Variants in CDK14 observed in about 807,000 individuals in gnomAD.
CDK14 encodes cyclin dependent kinase 14, also known as cyclin-dependent kinase 14.
A neutral mutation model predicts 60.7 loss-of-function variants in CDK14; 34 were observed. The observed-to-expected ratio is 0.56, with a 90% CI of 0.43 to 0.75. The LOEUF is 0.75. Among genes scored for constraint, CDK14 ranks in the 30% least tolerant of loss-of-function variants. CDK14 has a pLI of 0.00. For synonymous variants in CDK14, 197 were observed against 203.7 expected, an observed-to-expected ratio of 0.97 and a Z score of 0.28; for missense variants, 482 against 564.1, an observed-to-expected ratio of 0.85 and a Z score of 1.47.
intron 14 of CDK14, among the ~76,000 whole-genome samples, chr7:91,179,431 C>G (rs978983483): frequency 6.6e-5 from 10 of 151,024 alleles, no homozygotes; most frequent in Admixed American, 3.3e-4. Context: ...GTGCAGCGCA[C>G]CAGCATGGCA....
At chr7:91,088,922 A>G (rs1000258754) in intron 12 of CDK14, among the ~76,000 whole-genome samples, 4 of 151,776 alleles carry the variant, frequency 2.6e-5, no homozygotes, top group African/African-American at 9.7e-5. Context: ...ACCAATAAAC[A>G]TACCAGCTGT....
At chr7:91,065,706 G>A (rs572784634) in intron 11 of CDK14, among the ~76,000 whole-genome samples, 9 of 152,184 alleles carry the variant, frequency 5.9e-5, no homozygotes, top group Admixed American at 1.3e-4. Context: ...AGGCCTCTCA[G>A]TATTGGTTCG....
intron 6 of CDK14, among the ~76,000 whole-genome samples, chr7:90,867,968 A>AT (rs1218513594): frequency 1.7e-4 from 26 of 149,860 alleles, no homozygotes; most frequent in Admixed American, 1.7e-3. Flanking sequence ...TCTACATAAA[A>AT]TTAAAAAAAA....
At chr7:90,938,559 T>G (rs1793822087) in intron 8 of CDK14, among the ~76,000 whole-genome samples, 1 of 152,236 alleles carries the variant, frequency 6.6e-6, no homozygotes, top group Admixed American at 6.5e-5. Flanking sequence ...TCATAGGAGC[T>G]ACATGAAGTC....
At chr7:91,183,028 CT>C (rs1394885654) in intron 14 of CDK14, among the ~76,000 whole-genome samples, 2 of 152,152 alleles carry the variant, frequency 1.3e-5, no homozygotes, top group Non-Finnish European at 2.9e-5. Flanking sequence ...TTGCAAACTT[CT>C]AATGTTTAGT....
chr7:90,727,839 C>T (rs902050408), intron 3 of CDK14, among the ~76,000 whole-genome samples: 3 of 151,996 alleles, frequency 2.0e-5, no homozygotes, highest in East Asian at 1.9e-4. Context: ...AGTCATAAGG[C>T]GTCCTTTTCT....
chr7:91,152,302 C>G (rs1800849638), intron 14 of CDK14, among the ~76,000 whole-genome samples: 1 of 152,156 alleles, frequency 6.6e-6, no homozygotes, highest in African/African-American at 2.4e-5. Context: ...TATTTCATTA[C>G]TAAATCATAT....
intron 14 of CDK14, among the ~76,000 whole-genome samples, chr7:91,136,590 A>G (rs1800286215): frequency 6.6e-6 from 1 of 152,184 alleles, no homozygotes; most frequent in African/African-American, 2.4e-5. Flanking sequence ...AAACATACAG[A>G]CTAAACATGC....
At position 91,072,925 on chromosome 7, in the gene CDK14, G is replaced by A. The variant is rs117062639; in HGVS notation, c.1106-6507G>A. ...AGCAGAAGAAAGAATATCAGAGTTG[G>A]AAGGCCATCTTGCTGAAATAAGGCA... On this transcript the variant is annotated intron_variant, in intron 11 of 14. Coordinates refer to ENST00000380050, the MANE Select transcript of CDK14 (RefSeq NM_001287135.2). Among the ~76,000 whole-genome samples, 837 of 151,960 alleles carry A rather than the reference G, an allele frequency of 5.5e-3. 34 individuals carry two copies. The East Asian group carries it at 0.11, about 21-fold the overall frequency.
chr7:90,933,836 G>T (rs1793671456), intron 8 of CDK14, among the ~76,000 whole-genome samples: 1 of 152,234 alleles, frequency 6.6e-6, no homozygotes, highest in African/African-American at 2.4e-5. Flanking sequence ...GTAGCCATGA[G>T]CAGAAATGTT....
At chr7:90,779,955 GC>G (rs1480586632) in intron 4 of CDK14, among the ~76,000 whole-genome samples, 2 of 152,076 alleles carry the variant, frequency 1.3e-5, no homozygotes, top group Non-Finnish European at 2.9e-5. Context: ...CCCCTACCAT[GC>G]CTTTTTTCCC....
chr7:90,773,876 C>G (rs1026134209), intron 4 of CDK14, among the ~76,000 whole-genome samples: 4 of 111,964 alleles, frequency 3.6e-5, no homozygotes, highest in African/African-American at 1.3e-4. Context: ...CCTCTCCTCT[C>G]CTCTCCTCTC....
chr7:90,781,479 G>A (rs2116932184), intron 4 of CDK14, among the ~76,000 whole-genome samples: 1 of 150,290 alleles, frequency 6.7e-6, no homozygotes, highest in Middle Eastern at 3.4e-3. Flanking sequence ...TTTTAGACAT[G>A]AAGTCCTTGC....
At chr7:91,041,814 C>T (rs369197105) in intron 10 of CDK14, among the ~76,000 whole-genome samples, 3 of 152,186 alleles carry the variant, frequency 2.0e-5, no homozygotes, top group African/African-American at 7.2e-5. Context: ...CATCCTGTAG[C>T]CCAACCTGCA....
intron 2 of CDK14, among the ~76,000 whole-genome samples, chr7:90,614,068 G>A (rs1799601160): frequency 2.7e-5 from 4 of 149,858 alleles, no homozygotes; most frequent in African/African-American, 7.4e-5. Context: ...GTGCAATGGT[G>A]CGATCTTGGG....
chr7:90,989,541 A>G lies in CDK14; in HGVS notation c.1041+5300A>G, dbSNP rs571084509. On this transcript the variant is annotated intron_variant, in intron 10 of 14. Coordinates refer to ENST00000380050, the MANE Select transcript of CDK14 (RefSeq NM_001287135.2). ...ATGTGTCATGGTGTCAGCCTGTAGT[A>G]ATGACCATGAAAATCAAGGCAGGTG... Among the ~76,000 whole-genome samples, 10 of 152,294 alleles carry G rather than the reference A, an allele frequency of 6.6e-5. No homozygotes were observed. In the East Asian group the frequency reaches 1.3e-3, roughly 21 times the overall value.
intron 14 of CDK14, among the ~76,000 whole-genome samples, chr7:91,198,494 A>G (rs1467146670): frequency 6.6e-6 from 1 of 152,174 alleles, no homozygotes; most frequent in African/African-American, 2.4e-5. Context: ...ACCAAACGAA[A>G]AGAAAGCATG....
intron 9 of CDK14, among the ~76,000 whole-genome samples, chr7:90,960,019 T>A (rs939278875): frequency 6.6e-6 from 1 of 152,122 alleles, no homozygotes; most frequent in Non-Finnish European, 1.5e-5. Flanking sequence ...CAAAAAGGCT[T>A]ACTAAGTTTT....
At chr7:90,676,946 G>GTTTT (rs10668053) in intron 2 of CDK14, among the ~76,000 whole-genome samples, 2 of 149,076 alleles carry the variant, frequency 1.3e-5, no homozygotes, top group African/African-American at 2.5e-5. Context: ...TGTATATCAA[G>GTTTT]TTTTTTTTTT....
Sources: allele counts gnomAD v4.1 joint callset (sites outside exome capture counted in the v4.1 genomes callset), GRCh38; gene constraint gnomAD v4.1.1; transcripts MANE v1.5; gene names NCBI Gene and HGNC (gene_info 2026-07-23, HGNC 2026-07-21).